Variants in ZZEF1 observed in about 807,000 individuals in gnomAD.
ZZEF1 encodes the protein zinc finger ZZ-type and EF-hand domain containing 1, also known as zinc finger ZZ-type and EF-hand domain-containing protein 1.
Under a neutral mutation model 342.8 loss-of-function variants are expected in ZZEF1, and 157 were observed. The observed-to-expected ratio is 0.46, with a 90% confidence interval of 0.40 to 0.52. ZZEF1 has a LOEUF of 0.52. Ranked by LOEUF, ZZEF1 falls within the 20% of genes least tolerant of loss-of-function variation. The pLI is 0.00. For missense variants in ZZEF1, 3,480 were observed against 3,725.6 expected (o/e 0.93, Z 1.72); for synonymous variants, 1,505 against 1,429.1 (o/e 1.05, Z -1.20).
chr17:4,086,127 G>A (rs1402697651), intron 15 of ZZEF1, among the ~76,000 whole-genome samples: 1 of 152,168 alleles, frequency 6.6e-6, no homozygotes, highest in East Asian at 1.9e-4. Context: ...TGACTTAGTT[G>A]AAGTTAAGGC....
In ZZEF1 at chr17:4,014,379, G is replaced by C. The variant is rs567010742; in HGVS notation, c.8282C>G (p.Ser2761Cys). The C allele has an allele frequency of 5.6e-6, 9 of 1,614,206 alleles. No individual in the cohort carries two copies. In the East Asian group the frequency reaches 1.3e-4, roughly 24 times the overall value. The change falls in exon 50 of 55, where the codon TCT becomes TGT. Residue 2761 changes from serine (S) to cysteine (C), a missense_variant. Around this residue, in one of 5 missense-constraint regions of ZZEF1, gnomAD observed 1,269 missense variants for 1,342.4 expected, o/e 0.95. Transcript: ENST00000381638. This position sits in a 1 kb window ranked among gnomAD's most constrained non-coding sequence, Gnocchi z 4.4. ...TTCAAAATCTTTCCACTTCTGCTGA[G>C]ACCCGCTGAAGCTGTGTCGGTCTTG... ...FQQDRHSFSG[S>C]QQKWKDFELP...
chr17:4,064,050 T>C (rs1433808381), intron 29 of ZZEF1, among the ~76,000 whole-genome samples: 1 of 146,554 alleles, frequency 6.8e-6, no homozygotes, highest in East Asian at 2.0e-4. Flanking sequence ...TAAAAAAAAT[T>C]TTTTGTAGAT....
chr17:4,125,350 T>C (rs887765252), intron 1 of ZZEF1, among the ~76,000 whole-genome samples: 1 of 152,176 alleles, frequency 6.6e-6, no homozygotes, highest in Non-Finnish European at 1.5e-5. Context: ...CTCCATGAAA[T>C]AGGAAAACAA....
chr17:4,102,662 T>C (rs767774318), intron 8 of ZZEF1, among the ~76,000 whole-genome samples: 14 of 152,172 alleles, frequency 9.2e-5, no homozygotes, highest in Admixed American at 5.2e-4. Context: ...AGAACAATCA[T>C]TGTTCTGAAA....
intron 5 of ZZEF1, among the ~76,000 whole-genome samples, 161 bp downstream of exon 5, chr17:4,112,448 T>G (rs1450667504): frequency 6.6e-6 from 1 of 152,168 alleles, no homozygotes; most frequent in African/African-American, 2.4e-5. Flanking sequence ...GCCCCGACGC[T>G]TTTCTATAAT....
At chr17:4,020,818 C>A (rs552889258) in intron 45 of ZZEF1, among the ~76,000 whole-genome samples, 1 of 152,162 alleles carries the variant, frequency 6.6e-6, no homozygotes, top group Non-Finnish European at 1.5e-5. Context: ...AGTTCATGGA[C>A]GAGCCTTAGG....
At chr17:4,048,273 T>C (rs558176572) in intron 37 of ZZEF1, among the ~76,000 whole-genome samples, 1 of 152,354 alleles carries the variant, frequency 6.6e-6, no homozygotes, top group East Asian at 1.9e-4. Flanking sequence ...TTATGTGGCC[T>C]GTCTTCTACT....
At chr17:4,045,889 G>A (rs140290015) in intron 37 of ZZEF1, among the ~76,000 whole-genome samples, 102 of 150,652 alleles carry the variant, frequency 6.8e-4, no homozygotes, top group African/African-American at 2.4e-3. Flanking sequence ...GTGCAGGGGC[G>A]CCATCTCGGC....
intron 37 of ZZEF1, among the ~76,000 whole-genome samples, 174 bp from the exon 38 acceptor site, chr17:4,044,548 C>T (rs1050742375): frequency 1.7e-4 from 26 of 152,004 alleles, no homozygotes; most frequent in African/African-American, 5.8e-4. Flanking sequence ...GAGATAGAGT[C>T]TCACTCTGTC....
At chr17:4,117,993 A>G (rs1179381393) in intron 2 of ZZEF1, among the ~76,000 whole-genome samples, 2 of 152,210 alleles carry the variant, frequency 1.3e-5, no homozygotes, top group African/African-American at 4.8e-5. Flanking sequence ...GGGGAGGCAC[A>G]GAAGGTACAG....
At position 4,008,864 on chromosome 17, in the gene ZZEF1, G is replaced by C; in HGVS notation, c.8805+19C>G. On this transcript the variant is annotated intron_variant, in intron 54 of 54. Transcript: ENST00000381638. This position sits in a 1 kb window ranked among gnomAD's most constrained non-coding sequence, Gnocchi z 4.2. ...GCGCCCCAGCCTGGGGGCCAGCTCT[G>C]TTGGGGTGGAGAGAGTACCTGTGCC... 6.5e-7 allele frequency: 1 copy of C among 1,545,402 alleles called. No individual in the cohort carries two copies. The highest frequency in any genetic ancestry group is 1.4e-5 in the African/African-American group (1 of 73,284).
chr17:4,114,397 T>G lies in ZZEF1; in HGVS notation c.768A>C (p.Ile256=). The change falls in exon 4 of 55, where the codon ATA becomes ATC. Residue 256 remains isoleucine, a synonymous_variant. Coordinates refer to ENST00000381638, the MANE Select transcript of ZZEF1 (RefSeq NM_015113.4). ...LKSVAKCYAY[I]ETSSNSADID... is the part of the protein sequence containing the mutation. ...TGTCTGCCGAGTTGGAGGATGTTTCTATATAAGCATAGCACTTTGCTACTG... is the reference window on the plus strand; with the variant it reads ...TGTCTGCCGAGTTGGAGGATGTTTCGATATAAGCATAGCACTTTGCTACTG... The G allele has an allele frequency of 6.2e-7, 1 of 1,611,946 alleles. No individual in the cohort carries two copies. Among genetic ancestry groups the G allele is most frequent in the Non-Finnish European group, 8.5e-7 (1 of 1,179,102 alleles).
At position 4,008,957 on chromosome 17, in the gene ZZEF1, G is replaced by A; in HGVS notation, c.8734-3C>T. On this transcript the variant is annotated splice_polypyrimidine_tract_variant and splice_region_variant and intron_variant, in intron 53 of 54. Transcript: ENST00000381638. The surrounding 1 kb of genome is among the most constrained non-coding windows in gnomAD (Gnocchi z 4.2). ...TAATCCTGCAGCACGCCAAGCTCCT[G>A]CAGAGAGAGAGCAGGGGCTGTGAGT... The A allele has an allele frequency of 1.3e-6, 2 of 1,540,298 alleles. No homozygotes were observed. The highest frequency in any genetic ancestry group is 1.7e-6 in the Non-Finnish European group (2 of 1,147,012).
At chr17:4,092,800 G>A (rs568305127) in intron 11 of ZZEF1, among the ~76,000 whole-genome samples, 15 of 152,024 alleles carry the variant, frequency 9.9e-5, no homozygotes, top group Non-Finnish European at 1.9e-4. Flanking sequence ...AGCTGGCAGG[G>A]TATCAGAGAA....
intron 1 of ZZEF1, among the ~76,000 whole-genome samples, chr17:4,139,189 A>G (rs1281879505): frequency 6.8e-6 from 1 of 147,848 alleles, no homozygotes; most frequent in Non-Finnish European, 1.5e-5. Context: ...ATAAAATGAT[A>G]ATGTTTCAGA....
chr17:4,055,188 T>C (rs2057130967), intron 33 of ZZEF1, among the ~76,000 whole-genome samples: 1 of 152,118 alleles, frequency 6.6e-6, no homozygotes, highest in African/African-American at 2.4e-5. Context: ...TCTAAATCAG[T>C]AAGTCATACA....
In ZZEF1 at chr17:4,016,185, C is replaced by T. The variant is rs7216360; in HGVS notation, c.8145+138G>A. 0.17 allele frequency: 171,676 copies of T among 1,002,158 alleles called. 15,469 individuals are homozygous for T. The highest frequency in any genetic ancestry group is 0.22 in the Admixed American group (8,358 of 38,524). The allele number at this position is 1,002,158 out of a possible 1,614,324, so 62.1% of individuals were successfully genotyped here. A position where few individuals can be genotyped will look rare whatever the true frequency, so the allele number is the denominator to read the frequency against. On this transcript the variant is annotated intron_variant, in intron 49 of 54. Transcript: ENST00000381638. The surrounding 1 kb of genome is among the most constrained non-coding windows in gnomAD (Gnocchi z 4.4). ...GCAGACTGCAGTTTGTTCAAGGAAG[C>T]ACTTTCCTGGACAGGTCTCTGCTGT...
chr17:4,098,914 T>C (rs2058082365), intron 9 of ZZEF1, among the ~76,000 whole-genome samples: 1 of 152,198 alleles, frequency 6.6e-6, no homozygotes, highest in African/African-American at 2.4e-5. Context: ...CTAAGAACTA[T>C]CCCAATTATT....
At chr17:4,104,599 C>G in intron 8 of ZZEF1, 34 bp downstream of exon 8, 1 of 1,608,062 alleles carries the variant, frequency 6.2e-7, no homozygotes, top group Non-Finnish European at 8.5e-7. Flanking sequence ...CCACTGTTGA[C>G]ATTTCTATCA....
Sources: gnomAD v4.1 joint callset for allele counts (sites outside exome capture counted in the v4.1 genomes callset) on GRCh38, gnomAD v4.1.1 for gene constraint, gnomAD v4.1.1 regional missense constraint, Gnocchi (gnomAD v3.1) non-coding constraint, MANE v1.5 for transcripts, NCBI Gene and HGNC (gene_info 2026-07-23, HGNC 2026-07-21) for gene names.